Variants in CCSER1 observed in about 807,000 individuals in gnomAD.
CCSER1 encodes coiled-coil serine rich protein 1, also known as serine-rich coiled-coil domain-containing protein 1.
A neutral mutation model predicts 82.0 loss-of-function variants in CCSER1; 41 were observed. That is an observed-to-expected ratio of 0.50 (90% CI 0.39 to 0.65). CCSER1 has a LOEUF of 0.65. CCSER1 is among the 30% of genes least tolerant of loss of function. The pLI is 0.00. For synonymous variants in CCSER1, 414 were observed against 383.9 expected (o/e 1.08, Z -0.92); for missense variants, 1,119 against 1,064.2 (o/e 1.05, Z -0.72).
At chr4:91,480,579 G>A (rs1056564274) in intron 10 of CCSER1, among the ~76,000 whole-genome samples, 7 of 152,138 alleles carry the variant, frequency 4.6e-5, no homozygotes, top group Admixed American at 3.9e-4. Context: ...TCTGTGTACT[G>A]TAACAGAAAT....
intron 10 of CCSER1, among the ~76,000 whole-genome samples, chr4:91,429,055 T>G (rs1166697446): frequency 6.6e-6 from 1 of 152,028 alleles, no homozygotes; most frequent in African/African-American, 2.4e-5. Context: ...AATACAGCAT[T>G]GATTTATCTT....
Position 91,446,037 on chromosome 4 carries a change from G to T in CCSER1, c.2218-152535G>T, listed in dbSNP as rs1488458659. Among the ~76,000 whole-genome samples, 5 of 152,164 alleles carry T rather than the reference G, an allele frequency of 3.3e-5. No individual in the cohort carries two copies. In the East Asian group the frequency reaches 9.7e-4, roughly 29 times the overall value. The stretch of plus-strand genomic sequence containing the variant: ...AAATAAGAAAAACAAGTGAATAATT[G>T]TTGTATAGTTTGAGTGGGAAGAAGT... On this transcript the variant is annotated intron_variant, in intron 10 of 10. Transcript: ENST00000509176.
chr4:90,907,331 A>T (rs1051343504), intron 8 of CCSER1, among the ~76,000 whole-genome samples: 3 of 152,128 alleles, frequency 2.0e-5, no homozygotes, highest in Admixed American at 1.3e-4. Flanking sequence ...GCCCCTGACA[A>T]ATAGAATGTA....
intron 10 of CCSER1, among the ~76,000 whole-genome samples, chr4:91,103,923 A>T (rs1725343154): frequency 6.6e-6 from 1 of 152,172 alleles, no homozygotes; most frequent in Non-Finnish European, 1.5e-5. Context: ...TAGGAGAGAT[A>T]TCACTAAATT....
At chr4:90,963,554 C>A (rs896814385) in intron 9 of CCSER1, among the ~76,000 whole-genome samples, 8 of 151,786 alleles carry the variant, frequency 5.3e-5, no homozygotes, top group Non-Finnish European at 1.0e-4. Flanking sequence ...TGAAAGTACA[C>A]CCTAATCCAA....
intron 5 of CCSER1, among the ~76,000 whole-genome samples, chr4:90,579,718 A>G (rs953668094): frequency 1.3e-5 from 2 of 152,196 alleles, no homozygotes; most frequent in African/African-American, 4.8e-5. Context: ...AAATCATTTT[A>G]TAAATCTTTG....
At chr4:90,840,457 C>A (rs1357225305) in intron 8 of CCSER1, among the ~76,000 whole-genome samples, 2 of 152,140 alleles carry the variant, frequency 1.3e-5, no homozygotes, top group African/African-American at 2.4e-5. Flanking sequence ...TTATGATTAG[C>A]CTAAGATGTC....
chr4:90,454,426 T>A (rs2153580049), intron 4 of CCSER1, among the ~76,000 whole-genome samples: 1 of 152,136 alleles, frequency 6.6e-6, no homozygotes. Context: ...GATAGAGAGG[T>A]ATGCTTTACC....
chr4:90,511,400 G>C lies in CCSER1; in HGVS notation c.1724+43046G>C, dbSNP rs182101220. On this transcript the variant is annotated intron_variant, in intron 5 of 10. Coordinates refer to ENST00000509176, the MANE Select transcript of CCSER1 (RefSeq NM_001145065.2). ...ACCACTGCACTCCAACCTGGTGATA[G>C]AGCAAGACTCCATCTCAAAAAAAGA... 2.0e-5 allele frequency among the ~76,000 whole-genome samples: 3 copies of C among 152,260 alleles called. No individual in the cohort carries two copies. The East Asian group carries it at 5.8e-4, about 29-fold the overall frequency.
intron 1 of CCSER1, among the ~76,000 whole-genome samples, chr4:90,217,799 T>C (rs1047852643): frequency 6.6e-6 from 1 of 151,996 alleles, no homozygotes; most frequent in Non-Finnish European, 1.5e-5. Flanking sequence ...TCTTTATTAT[T>C]ATTATTGTTT....
At chr4:91,568,475 TG>T (rs1430178571) in intron 10 of CCSER1, among the ~76,000 whole-genome samples, 13 of 152,216 alleles carry the variant, frequency 8.5e-5, no homozygotes, top group Non-Finnish European at 1.9e-4. Context: ...CTTTCCTTTC[TG>T]GGAAGCCAGT....
chr4:91,012,418 G>A (rs1485110220), intron 9 of CCSER1, among the ~76,000 whole-genome samples: 2 of 132,918 alleles, frequency 1.5e-5, no homozygotes, highest in African/African-American at 5.0e-5. Context: ...GACTGGGAAG[G>A]GCATAAAGAG....
At chr4:90,811,995 C>CACACACACACAT (rs367800484) in intron 7 of CCSER1, among the ~76,000 whole-genome samples, 2 of 142,778 alleles carry the variant, frequency 1.4e-5, no homozygotes, top group Non-Finnish European at 3.0e-5. Flanking sequence ...TATATAAACA[C>CACACACACACAT]ATATATATAT....
chr4:90,256,698 C>A (rs1723349748), intron 1 of CCSER1, among the ~76,000 whole-genome samples: 1 of 152,088 alleles, frequency 6.6e-6, no homozygotes. Flanking sequence ...ATGGCAGGTT[C>A]ATAAATGGAT....
chr4:91,472,305 T>A (rs1757323647), intron 10 of CCSER1, among the ~76,000 whole-genome samples: 1 of 152,180 alleles, frequency 6.6e-6, no homozygotes, highest in Non-Finnish European at 1.5e-5. Context: ...ATTAAAATTG[T>A]CACTAAAATG....
At chr4:90,213,807 A>G (rs905216218) in intron 1 of CCSER1, among the ~76,000 whole-genome samples, 2 of 152,198 alleles carry the variant, frequency 1.3e-5, no homozygotes, top group Non-Finnish European at 1.5e-5. Context: ...AAGATCATTC[A>G]TTACTTGGAC....
chr4:91,348,531 G>A (rs1308588034), intron 10 of CCSER1, among the ~76,000 whole-genome samples: 2 of 152,144 alleles, frequency 1.3e-5, no homozygotes, highest in Admixed American at 1.3e-4. Context: ...TTTTTTGGAG[G>A]AAACTAGAGA....
intron 10 of CCSER1, among the ~76,000 whole-genome samples, chr4:91,281,654 ATT>A (rs1487050562): frequency 2.6e-5 from 4 of 152,302 alleles, no homozygotes; most frequent in Admixed American, 2.6e-4. Flanking sequence ...CTTCAGCAGA[ATT>A]TTGTTTAGCT....
chr4:91,565,419 T>G (rs1377986270), intron 10 of CCSER1, among the ~76,000 whole-genome samples: 1 of 152,084 alleles, frequency 6.6e-6, no homozygotes, highest in Non-Finnish European at 1.5e-5. Context: ...AAAATTATTT[T>G]TTCTAGTTTT....
Sources: allele counts gnomAD v4.1 joint callset (sites outside exome capture counted in the v4.1 genomes callset), GRCh38; gene constraint gnomAD v4.1.1; transcripts MANE v1.5; gene names NCBI Gene and HGNC (gene_info 2026-07-23, HGNC 2026-07-21).